SPOCK2: variants seen among roughly 807,000 people sequenced by gnomAD.
The protein encoded by SPOCK2 is testican-2.
In SPOCK2, 39 loss-of-function variants were observed where a neutral mutation model predicts 60.1. The observed-to-expected ratio is 0.65, with a 90% CI of 0.50 to 0.85. The LOEUF (loss-of-function observed/expected upper bound fraction) is 0.85, where lower values mean the gene tolerates loss of function less well. Ranked by LOEUF, SPOCK2 falls within the 40% of genes least tolerant of loss-of-function variation. The pLI is 0.00. For missense variants in SPOCK2, 523 were observed against 567.4 expected (o/e 0.92, Z 0.80); for synonymous variants, 217 against 231.5 (o/e 0.94, Z 0.57).
At chr10:72,088,001 T>G (rs2131826842) in intron 1 of SPOCK2, 139 bp downstream of exon 1, 1 of 1,114,886 alleles carries the variant, frequency 9.0e-7, no homozygotes, top group Non-Finnish European at 1.3e-6. Context: ...CCCCCAGTAC[T>G]GTTTACTTTC....
intron 1 of SPOCK2, among the ~76,000 whole-genome samples, chr10:72,079,534 A>C (rs980255962): frequency 6.6e-6 from 1 of 152,196 alleles, no homozygotes; most frequent in Non-Finnish European, 1.5e-5. Context: ...CACTGAGCCA[A>C]GCTGGGGGAG....
chr10:72,066,836 G>A (rs1047131928), intron 8 of SPOCK2, 66 bp downstream of exon 8: 1 of 1,588,188 alleles, frequency 6.3e-7, no homozygotes, highest in Non-Finnish European at 8.6e-7. Context: ...CTTCCCAAGA[G>A]AGCCTGGAAC....
rs1840479087 is a variant in SPOCK2, at chr10:72,060,639, T to C, written c.*2121A>G. ...TGCCTCAGAGAGCAGAGGGCTGATG[T>C]GGAACAGCATTTCCCTGAACTGAGC... is the stretch of plus-strand genomic sequence containing the variant. On this transcript the variant is annotated 3_prime_UTR_variant, in exon 11 of 11. Coordinates refer to ENST00000373109, the MANE Select transcript of SPOCK2 (RefSeq NM_001244950.2). 1.3e-5 allele frequency: 2 copies of C among 152,478 alleles called. No individual in the cohort carries two copies. The highest frequency in any genetic ancestry group is 2.9e-5 in the Non-Finnish European group (2 of 68,136). 9.4% of individuals were successfully genotyped at this position (152,478 alleles called of 1,614,324 possible). A position where few individuals can be genotyped will look rare whatever the true frequency, so the allele number is the denominator to read the frequency against.
intron 2 of SPOCK2, 165 bp downstream of exon 2, chr10:72,072,737 T>G: frequency 7.4e-7 from 1 of 1,357,540 alleles, no homozygotes. Context: ...TATAAACCCA[T>G]GTCCAGAATC....
intron 5 of SPOCK2, among the ~76,000 whole-genome samples, chr10:72,069,469 T>C (rs764681144): frequency 2.2e-5 from 3 of 136,870 alleles, no homozygotes; most frequent in Non-Finnish European, 4.8e-5. Flanking sequence ...TCTATGTTAC[T>C]TTTTTTTTTT....
intron 8 of SPOCK2, among the ~76,000 whole-genome samples, chr10:72,066,495 G>A (rs2131811372): frequency 7.1e-6 from 1 of 141,624 alleles, no homozygotes; most frequent in East Asian, 2.0e-4. Context: ...ATGCCACCAT[G>A]CCTGGCTATT....
At position 72,070,434 on chromosome 10, in the gene SPOCK2, A is replaced by G. The variant is rs772646459; in HGVS notation, c.360-8T>C. On this transcript the variant is annotated splice_polypyrimidine_tract_variant and splice_region_variant and intron_variant, in intron 4 of 10. Transcript: ENST00000373109. ...ACGGTCGGCTGCTTGATCCTACAGGAGAGGGTGGGGGGCACACCAGGGTGG... is the reference window on the plus strand; with the variant it reads ...ACGGTCGGCTGCTTGATCCTACAGGGGAGGGTGGGGGGCACACCAGGGTGG... 6.2e-7 allele frequency: 1 copy of G among 1,613,848 alleles called. No individual in the cohort carries two copies.
At position 72,088,473 on chromosome 10, in the gene SPOCK2, G is replaced by C. The variant is rs1293894571; in HGVS notation, c.-145C>G. On this transcript the variant is annotated 5_prime_UTR_variant, in exon 1 of 11. Coordinates refer to ENST00000373109, the MANE Select transcript of SPOCK2 (RefSeq NM_001244950.2). Reference sequence around the variant, plus strand: ...TCCGGTGACTGGCGGAGAGTGGGTCGCGGCTGAAATGTGACCTGGTTAGGA... The same window carrying C: ...TCCGGTGACTGGCGGAGAGTGGGTCCCGGCTGAAATGTGACCTGGTTAGGA... 2 of 978,546 alleles carry C rather than the reference G, an allele frequency of 2.0e-6. No individual in the cohort carries two copies. The highest frequency in any genetic ancestry group is 2.9e-6 in the Non-Finnish European group (2 of 685,664). The allele number at this position is 978,546 out of a possible 1,614,324, so 60.6% of individuals were successfully genotyped here. A position where few individuals can be genotyped will look rare whatever the true frequency, so the allele number is the denominator to read the frequency against.
rs150144417 is a variant in SPOCK2 at position 72,068,248 on chromosome 10, G to A, written c.528C>T (p.Cys176=). 363 of 1,611,908 alleles carry A rather than the reference G, an allele frequency of 2.3e-4. No homozygotes were observed. In the African/African-American group the frequency reaches 3.6e-3, roughly 16 times the overall value. Residue 176 remains cysteine (C), a synonymous_variant, in exon 6 of 11, where the codon TGC becomes TGT. Coordinates refer to ENST00000373109, the MANE Select transcript of SPOCK2 (RefSeq NM_001244950.2). ...CCGTGGGGCAGGGGCAGGGGCCCTC[G>A]CATCGCACCGCCAGCTGCTTGCTGC... ...CLSSKQLAVR[C]EGPCPCPTEQ...
Position 72,084,743 on chromosome 10 carries a change from T to G in SPOCK2, c.189+3397A>C, listed in dbSNP as rs142681553. Among the ~76,000 whole-genome samples, 308 of 152,332 alleles carry G rather than the reference T, an allele frequency of 2.0e-3. 1 individual carries two copies. The highest frequency in any genetic ancestry group is 6.9e-3 in the African/African-American group (286 of 41,580). On this transcript the variant is annotated intron_variant, in intron 1 of 10. Coordinates refer to ENST00000373109, the MANE Select transcript of SPOCK2 (RefSeq NM_001244950.2). ...TTGACCTTTGGGTAAATTACTTCTC[T>G]GTGCCTCAGTTTCTACAACCATAAA... is the stretch of plus-strand genomic sequence containing the variant.
intron 1 of SPOCK2, chr10:72,086,274 G>A: frequency 1.0e-6 from 1 of 987,518 alleles, no homozygotes; most frequent in Non-Finnish European, 1.2e-6. Context: ...AGGGGGAAGT[G>A]GTTGGCACCA....
In SPOCK2 at chr10:72,062,862, G is replaced by A. The variant is rs1395996818; in HGVS notation, c.1173C>T (p.Gly391=). Residue 391 remains glycine, a synonymous_variant, in exon 11 of 11, where the codon GGC becomes GGT. Coordinates refer to ENST00000373109, the MANE Select transcript of SPOCK2 (RefSeq NM_001244950.2). The surrounding 1 kb of genome is among the most constrained non-coding windows in gnomAD (Gnocchi z 4.3). The part of the protein sequence containing the change: ...GFSGDFGSGV[G]WEDEEEKETE... The stretch of plus-strand genomic sequence containing the variant: ...TCTCCTTCTCCTCCTCATCCTCCCA[G>A]CCGACACCGCTTCCAAAGTCCCCCG... 2 of 1,602,830 alleles carry A rather than the reference G, an allele frequency of 1.2e-6. No homozygotes were observed. The highest frequency in any genetic ancestry group is 2.2e-5 in the South Asian group (2 of 89,948).
intron 1 of SPOCK2, among the ~76,000 whole-genome samples, chr10:72,084,380 C>G (rs1021998144): frequency 2.0e-5 from 3 of 152,214 alleles, no homozygotes; most frequent in African/African-American, 7.2e-5. Flanking sequence ...AGCGGCAGAG[C>G]CCGAACTGGC....
rs1840868300 is a variant in SPOCK2, at chr10:72,087,066, C to G, written c.189+1074G>C. On this transcript the variant is annotated intron_variant, in intron 1 of 10. Transcript: ENST00000373109. The surrounding 1 kb of genome is among the most constrained non-coding windows in gnomAD (Gnocchi z 4.7). ...GTCAGGGCCGCGGTGAGCACCAGGT[C>G]GCCAGGAGCAGCCGGCGTCGCCTCT... The G allele has an allele frequency of 6.7e-7, 1 of 1,495,740 alleles. No homozygotes were observed. The allele number at this position is 1,495,740 out of a possible 1,614,324, so 92.7% of individuals were successfully genotyped here.
intron 7 of SPOCK2, 29 bp from the exon 8 acceptor site, chr10:72,067,149 T>A (rs747854861): frequency 2.5e-6 from 4 of 1,596,228 alleles, no homozygotes; most frequent in South Asian, 1.1e-5. Context: ...CAGGCACGCT[T>A]CATCTGGCTA....
rs532570934 is a variant in SPOCK2 at position 72,072,463 on chromosome 10, A to T, written c.244+40T>A. The stretch of plus-strand genomic sequence containing the variant: ...TTGCCCTCTGGTCTCAAGTCTTCAC[A>T]CGTGTCAGTCACCTTCCCCCGCCGG... On this transcript the variant is annotated intron_variant, in intron 3 of 10. Coordinates refer to ENST00000373109, the MANE Select transcript of SPOCK2 (RefSeq NM_001244950.2). 3.1e-6 allele frequency: 5 copies of T among 1,613,242 alleles called. No homozygotes were observed. The South Asian group carries it at 5.5e-5, about 18-fold the overall frequency.
At chr10:72,071,087 T>C (rs1840640987) in intron 4 of SPOCK2, among the ~76,000 whole-genome samples, 1 of 152,164 alleles carries the variant, frequency 6.6e-6, no homozygotes, top group Admixed American at 6.5e-5. Flanking sequence ...TCTTCTATGA[T>C]TCAGGAAAGA....
Position 72,067,233 on chromosome 10 carries a change from C to G in SPOCK2, c.710-113G>C. ...AGCCCTCTATTCTGGGTCTGGGCAG[C>G]TTGGAATCTAACCATGGGATTGAGA... On this transcript the variant is annotated intron_variant, in intron 7 of 10. Transcript: ENST00000373109. 4 of 1,094,196 alleles carry G rather than the reference C, an allele frequency of 3.7e-6. No homozygotes were observed. The South Asian group carries it at 6.3e-5, about 17-fold the overall frequency. 67.8% of individuals were successfully genotyped at this position (1,094,196 alleles called of 1,614,324 possible).
intron 1 of SPOCK2, among the ~76,000 whole-genome samples, chr10:72,077,778 T>C (rs577640697): frequency 1.3e-5 from 2 of 152,304 alleles, no homozygotes; most frequent in South Asian, 4.1e-4. Flanking sequence ...GGCCCGTTCC[T>C]GGAGCACGCT....
Sources: gnomAD v4.1 joint callset for allele counts (sites outside exome capture counted in the v4.1 genomes callset) on GRCh38, gnomAD v4.1.1 for gene constraint, Gnocchi (gnomAD v3.1) non-coding constraint, MANE v1.5 for transcripts, NCBI Gene and HGNC (gene_info 2026-07-23, HGNC 2026-07-21) for gene names.